The following EPDR1 variants were observed in gnomAD, a reference collection of about 807,000 sequenced individuals.
EPDR1 encodes mammalian ependymin-related protein 1.
EPDR1 carries 27 observed loss-of-function variants against 23.7 expected under a neutral mutation model. That is an observed-to-expected ratio of 1.14 (90% CI 0.84 to 1.57). EPDR1 has a LOEUF of 1.57. Ranked by LOEUF, EPDR1 falls within the 40% of genes most tolerant of loss-of-function variation. EPDR1 has a pLI of 0.00. For missense variants in EPDR1, 349 were observed against 290.4 expected, an observed-to-expected ratio of 1.20 and a Z score of -1.47; for synonymous variants, 137 against 118.2, an observed-to-expected ratio of 1.16 and a Z score of -1.03.
intron 1 of EPDR1, among the ~76,000 whole-genome samples, chr7:37,938,885 T>G (rs1786111542): frequency 6.6e-6 from 1 of 152,210 alleles, no homozygotes; most frequent in African/African-American, 2.4e-5. Context: ...TAAGCTGAAC[T>G]AATTGAGCTA....
chr7:37,940,754 C>T (rs182996181), intron 1 of EPDR1, among the ~76,000 whole-genome samples: 1 of 151,192 alleles, frequency 6.6e-6, no homozygotes, highest in Non-Finnish European at 1.5e-5. Flanking sequence ...GGGGGAAAAC[C>T]TGTAATGTTA....
At chr7:37,942,216 A>C (rs1786183188) in intron 1 of EPDR1, among the ~76,000 whole-genome samples, 1 of 152,248 alleles carries the variant, frequency 6.6e-6, no homozygotes, top group Non-Finnish European at 1.5e-5. Context: ...GGAAACACCT[A>C]GGAATCCATC....
intron 1 of EPDR1, among the ~76,000 whole-genome samples, chr7:37,940,301 G>A (rs751289275): frequency 2.0e-5 from 3 of 152,168 alleles, no homozygotes; most frequent in Non-Finnish European, 4.4e-5. Context: ...ATGAGGAATA[G>A]GGAAGAGGAG....
At position 37,950,894 on chromosome 7, in the gene EPDR1, AC is replaced by A; in HGVS notation, c.*499del. On this transcript the variant is annotated 3_prime_UTR_variant, in exon 3 of 3. Transcript: ENST00000199448. The stretch of plus-strand genomic sequence containing the variant: ...GTTGGCATTGCTCCCACTGAGCCCT[AC>A]TCCACCCTGTCCCTGCACTCCCTTG... The A allele has an allele frequency of 6.6e-6, 1 of 152,664 alleles. No individual in the cohort carries two copies. The allele number at this position is 152,664 out of a possible 1,614,324, so 9.5% of individuals were successfully genotyped here. A position where few individuals can be genotyped will look rare whatever the true frequency, so the allele number is the denominator to read the frequency against.
At position 37,921,215 on chromosome 7, in the gene EPDR1, G is replaced by A. The variant is rs762803324; in HGVS notation, c.269+7G>A. The A allele has an allele frequency of 1.9e-6, 3 of 1,579,192 alleles. No individual in the cohort carries two copies. The highest frequency in any genetic ancestry group is 2.3e-5 in the East Asian group (1 of 43,178). On this transcript the variant is annotated splice_region_variant and intron_variant, in intron 1 of 2. Coordinates refer to ENST00000199448, the MANE Select transcript of EPDR1 (RefSeq NM_017549.5). ...CGCTGATCCCCTGCAAGAGGTACAG[G>A]TCATCGGCCCGCGGGGCGGGAGTAG...
At chr7:37,924,054 G>A (rs1056492711) in intron 1 of EPDR1, among the ~76,000 whole-genome samples, 35 of 152,304 alleles carry the variant, frequency 2.3e-4, no homozygotes, top group Admixed American at 5.2e-4. Flanking sequence ...AACAACCTTC[G>A]AGTAAGGAAA....
intron 1 of EPDR1, 55 bp from the exon 2 acceptor site, chr7:37,948,785 G>A (rs950952787): frequency 1.4e-6 from 2 of 1,420,184 alleles, no homozygotes; most frequent in African/African-American, 2.8e-5. Context: ...GCTGTTAAAA[G>A]GCACGAGGAT....
In EPDR1 at chr7:37,932,087, C is replaced by T. The variant is rs17171214; in HGVS notation, c.269+10879C>T. On this transcript the variant is annotated intron_variant, in intron 1 of 2. Coordinates refer to ENST00000199448, the MANE Select transcript of EPDR1 (RefSeq NM_017549.5). ...CCTTACAGAATCTCTTTCTGCTTATCTGTTCTGGTTCTCTTACATTACATC... is the reference window on the plus strand; with the variant it reads ...CCTTACAGAATCTCTTTCTGCTTATTTGTTCTGGTTCTCTTACATTACATC... Among the ~76,000 whole-genome samples, 926 of 152,278 alleles carry T rather than the reference C, an allele frequency of 6.1e-3. 8 individuals are homozygous for T. The highest frequency in any genetic ancestry group is 0.02 in the African/African-American group (812 of 41,548).
At chr7:37,935,026 T>C (rs1190882774) in intron 1 of EPDR1, among the ~76,000 whole-genome samples, 1 of 152,188 alleles carries the variant, frequency 6.6e-6, no homozygotes, top group Non-Finnish European at 1.5e-5. Context: ...AGCATTTACA[T>C]TGTATAAAGA....
rs775254990 is a variant in EPDR1, at chr7:37,920,737, C to T, written c.-203C>T. 2 of 1,609,042 alleles carry T rather than the reference C, an allele frequency of 1.2e-6. No individual in the cohort carries two copies. The highest frequency in any genetic ancestry group is 1.7e-5 in the Admixed American group (1 of 59,820). On this transcript the variant is annotated 5_prime_UTR_variant, in exon 1 of 3. Coordinates refer to ENST00000199448, the MANE Select transcript of EPDR1 (RefSeq NM_017549.5). ...TCCCGCGCGATTCACTGGAGCCTTCCCCGGGCCCTGGTCCCGGCTACCGGG... is the reference window on the plus strand; with the variant it reads ...TCCCGCGCGATTCACTGGAGCCTTCTCCGGGCCCTGGTCCCGGCTACCGGG...
intron 1 of EPDR1, among the ~76,000 whole-genome samples, chr7:37,948,391 T>G (rs1482092553): frequency 6.6e-6 from 1 of 151,696 alleles, no homozygotes; most frequent in African/African-American, 2.4e-5. Flanking sequence ...CCAGGCTGTA[T>G]GTAGTGCGGT....
chr7:37,921,460 G>A, intron 1 of EPDR1: 2 of 1,380,068 alleles, frequency 1.4e-6, no homozygotes, highest in Non-Finnish European at 1.9e-6. Context: ...AGGTAAAGAA[G>A]GGACCCATCC....
At chr7:37,949,978 T>C (rs1240402787) in intron 2 of EPDR1, among the ~76,000 whole-genome samples, 1 of 148,352 alleles carries the variant, frequency 6.7e-6, no homozygotes, top group African/African-American at 2.4e-5. Flanking sequence ...GAATGGGAAG[T>C]TCGTGTTTAA....
intron 1 of EPDR1, among the ~76,000 whole-genome samples, chr7:37,933,726 C>G (rs1262670260): frequency 3.3e-5 from 5 of 152,138 alleles, no homozygotes; most frequent in Non-Finnish European, 7.3e-5. Flanking sequence ...GGGCCCTGCT[C>G]ATTCTGAGAG....
Position 37,920,756 on chromosome 7 carries a change from T to C in EPDR1, c.-184T>C. The C allele has an allele frequency of 1.2e-6, 2 of 1,609,574 alleles. No homozygotes were observed. The highest frequency in any genetic ancestry group is 1.7e-6 in the Non-Finnish European group (2 of 1,177,748). On this transcript the variant is annotated 5_prime_UTR_variant, in exon 1 of 3. Transcript: ENST00000199448. Reference sequence around the variant, plus strand: ...GCCTTCCCCGGGCCCTGGTCCCGGCTACCGGGACTCGCGCGTCCGGATCTC... The same window carrying C: ...GCCTTCCCCGGGCCCTGGTCCCGGCCACCGGGACTCGCGCGTCCGGATCTC...
At chr7:37,927,803 C>T (rs1441299748) in intron 1 of EPDR1, among the ~76,000 whole-genome samples, 2 of 152,188 alleles carry the variant, frequency 1.3e-5, no homozygotes, top group Admixed American at 6.5e-5. Flanking sequence ...TCTCCTTTGA[C>T]CTTTACTCCA....
chr7:37,931,560 A>C (rs548084999), intron 1 of EPDR1, among the ~76,000 whole-genome samples: 2 of 152,106 alleles, frequency 1.3e-5, no homozygotes, highest in Non-Finnish European at 2.9e-5. Flanking sequence ...TCTGACACCA[A>C]ACTAAATTTG....
intron 1 of EPDR1, among the ~76,000 whole-genome samples, chr7:37,939,914 T>A (rs2132013753): frequency 6.6e-6 from 1 of 152,302 alleles, no homozygotes; most frequent in Middle Eastern, 3.4e-3. Flanking sequence ...CCACAAATGC[T>A]TTTACCTTTT....
rs1562854635 is a variant in EPDR1, at chr7:37,920,958, CT to C, written c.20del (p.Leu7ProfsTer79). ...GACCGCGATGCCAGGACGCGCTCCC[CT>C]CCGCACCGTCCCGGGCGCCCTGGGT... MPGRAP[L>X]RTVPGALGAW... is the part of the protein sequence containing the mutation. On this transcript the variant is annotated frameshift_variant, in exon 1 of 3. Coordinates refer to ENST00000199448, the MANE Select transcript of EPDR1 (RefSeq NM_017549.5). LOFTEE classifies it high-confidence loss of function. 6.3e-7 allele frequency: 1 copy of C among 1,590,040 alleles called. No homozygotes were observed. The highest frequency in any genetic ancestry group is 1.1e-5 in the South Asian group (1 of 87,944).
Sources: allele counts gnomAD v4.1 joint callset (sites outside exome capture counted in the v4.1 genomes callset), GRCh38; gene constraint gnomAD v4.1.1; transcripts MANE v1.5; gene names NCBI Gene and HGNC (gene_info 2026-07-23, HGNC 2026-07-21).